The following HS6ST3 variants were observed in gnomAD, a reference collection of about 807,000 sequenced individuals.
HS6ST3 encodes heparan-sulfate 6-O-sulfotransferase 3.
A neutral mutation model predicts 36.7 loss-of-function variants in HS6ST3; 12 were observed. That is an observed-to-expected ratio of 0.33 (90% CI 0.21 to 0.53). HS6ST3 has a LOEUF of 0.53. HS6ST3 is among the 20% of genes least tolerant of loss of function. HS6ST3 has a pLI of 0.95. For synonymous variants in HS6ST3, 240 were observed against 257.5 expected, an observed-to-expected ratio of 0.93 and a Z score of 0.65; for missense variants, 584 against 640.9, an observed-to-expected ratio of 0.91 and a Z score of 0.96.
intron 1 of HS6ST3, among the ~76,000 whole-genome samples, chr13:96,561,632 A>G (rs1200909315): frequency 3.3e-5 from 5 of 152,194 alleles, no homozygotes; most frequent in African/African-American, 4.8e-5. Context: ...CTGAGAAACT[A>G]TGCATCTGTC....
chr13:96,271,510 G>A (rs1480236409), intron 1 of HS6ST3, among the ~76,000 whole-genome samples: 2 of 151,836 alleles, frequency 1.3e-5, no homozygotes, highest in African/African-American at 4.9e-5. Flanking sequence ...GAGTATGTAA[G>A]CTCCTAAAGG....
chr13:96,828,802 A>C (rs1167004793), intron 1 of HS6ST3, among the ~76,000 whole-genome samples: 2 of 152,222 alleles, frequency 1.3e-5, no homozygotes, highest in Non-Finnish European at 2.9e-5. Flanking sequence ...CTAAATAAAA[A>C]ATTTGCTGTT....
At position 96,685,581 on chromosome 13, in the gene HS6ST3, C is replaced by T. The variant is rs148669922; in HGVS notation, c.708-146909C>T. Among the ~76,000 whole-genome samples the T allele has an allele frequency of 5.9e-5, 9 of 152,088 alleles. No homozygotes were observed. In the East Asian group the frequency reaches 9.7e-4, roughly 16 times the overall value. ...ACTGACACAGTTATCATATATTGAC[C>T]GTGCACACATCTGAGGCATCATGCA... On this transcript the variant is annotated intron_variant, in intron 1 of 1. Transcript: ENST00000376705.
chr13:96,539,502 C>T (rs965983776), intron 1 of HS6ST3, among the ~76,000 whole-genome samples: 11 of 152,092 alleles, frequency 7.2e-5, no homozygotes, highest in Admixed American at 3.9e-4. Context: ...ATTGCAGGCA[C>T]CTGCCACCAT....
intron 1 of HS6ST3, among the ~76,000 whole-genome samples, chr13:96,806,303 G>A (rs1342486940): frequency 6.6e-6 from 1 of 152,296 alleles, no homozygotes; most frequent in East Asian, 1.9e-4. Flanking sequence ...TGCTCTCATA[G>A]AAATTTTATT....
intron 1 of HS6ST3, among the ~76,000 whole-genome samples, chr13:96,131,929 A>G (rs1190862876): frequency 2.0e-5 from 3 of 152,218 alleles, no homozygotes; most frequent in South Asian, 2.1e-4. Context: ...AAACTTTTAT[A>G]TGGTACTCTA....
At chr13:96,607,047 T>G (rs1429300849) in intron 1 of HS6ST3, among the ~76,000 whole-genome samples, 2 of 152,134 alleles carry the variant, frequency 1.3e-5, no homozygotes, top group Non-Finnish European at 1.5e-5. Flanking sequence ...AACACTAATA[T>G]GAAAATTCAA....
At chr13:96,593,486 G>A (rs908785584) in intron 1 of HS6ST3, among the ~76,000 whole-genome samples, 25 of 151,242 alleles carry the variant, frequency 1.7e-4, no homozygotes, top group Non-Finnish European at 3.1e-4. Context: ...GTGAGCTACC[G>A]TGCCCAGCCA....
intron 1 of HS6ST3, among the ~76,000 whole-genome samples, chr13:96,765,970 A>C (rs1255893352): frequency 6.6e-6 from 1 of 152,220 alleles, no homozygotes; most frequent in Non-Finnish European, 1.5e-5. Flanking sequence ...AAATTCTTCC[A>C]AATTTTCATG....
intron 1 of HS6ST3, among the ~76,000 whole-genome samples, chr13:96,682,206 C>T (rs940161109): frequency 2.6e-5 from 4 of 152,142 alleles, no homozygotes; most frequent in African/African-American, 9.7e-5. Context: ...TATATTTATA[C>T]ATGCCTATAT....
At chr13:96,148,547 A>G (rs2054068976) in intron 1 of HS6ST3, among the ~76,000 whole-genome samples, 1 of 152,216 alleles carries the variant, frequency 6.6e-6, no homozygotes, top group South Asian at 2.1e-4. Context: ...GTTAATTAAG[A>G]AAATGCACTT....
intron 1 of HS6ST3, among the ~76,000 whole-genome samples, chr13:96,186,126 T>G (rs2139342903): frequency 6.6e-6 from 1 of 152,326 alleles, no homozygotes; most frequent in African/African-American, 2.4e-5. Context: ...TATATAATTT[T>G]TTTTCCCTGA....
chr13:96,405,561 A>T (rs2055473289), intron 1 of HS6ST3, among the ~76,000 whole-genome samples: 1 of 152,202 alleles, frequency 6.6e-6, no homozygotes. Context: ...TCTATCTGAC[A>T]TGAGTACTGA....
intron 1 of HS6ST3, among the ~76,000 whole-genome samples, chr13:96,805,052 A>C (rs1878163971): frequency 6.6e-6 from 1 of 152,224 alleles, no homozygotes; most frequent in Non-Finnish European, 1.5e-5. Context: ...AATGAAGCTA[A>C]GGTTATTTTG....
intron 1 of HS6ST3, among the ~76,000 whole-genome samples, chr13:96,667,315 G>A (rs896132965): frequency 6.6e-6 from 1 of 152,114 alleles, no homozygotes; most frequent in Non-Finnish European, 1.5e-5. Flanking sequence ...TGCATTAAAC[G>A]TTGAATACAG....
chr13:96,708,922 C>G (rs1875494872), intron 1 of HS6ST3, among the ~76,000 whole-genome samples: 1 of 152,142 alleles, frequency 6.6e-6, no homozygotes. Context: ...TAAACGTTGT[C>G]TCTTCTTTTC....
chr13:96,467,570 G>C (rs1230906677), intron 1 of HS6ST3, among the ~76,000 whole-genome samples: 1 of 152,090 alleles, frequency 6.6e-6, no homozygotes, highest in African/African-American at 2.4e-5. Context: ...AATGTACAAG[G>C]CCTGGTGTGT....
Position 96,149,467 on chromosome 13 carries a change from A to T in HS6ST3, c.707+57898A>T, listed in dbSNP as rs575592487. 2.0e-5 allele frequency among the ~76,000 whole-genome samples: 3 copies of T among 152,270 alleles called. No homozygotes were observed. The East Asian group carries it at 5.8e-4, about 29-fold the overall frequency. The stretch of plus-strand genomic sequence containing the variant: ...AAAATGCTCACCTCTTATTAAAGTG[A>T]CATGCATTCACAATAAGAATTATAG... On this transcript the variant is annotated intron_variant, in intron 1 of 1. Coordinates refer to ENST00000376705, the MANE Select transcript of HS6ST3 (RefSeq NM_153456.4).
At chr13:96,230,852 A>G (rs1167513587) in intron 1 of HS6ST3, among the ~76,000 whole-genome samples, 2 of 152,186 alleles carry the variant, frequency 1.3e-5, no homozygotes, top group Admixed American at 6.5e-5. Context: ...GAAAGGAGGC[A>G]GGGTCCTGAA....
Sources: gnomAD v4.1 joint callset for allele counts (sites outside exome capture counted in the v4.1 genomes callset) on GRCh38, gnomAD v4.1.1 for gene constraint, MANE v1.5 for transcripts, NCBI Gene and HGNC (gene_info 2026-07-23, HGNC 2026-07-21) for gene names.